FRK: variants seen among roughly 807,000 people sequenced by gnomAD.
FRK encodes fyn related Src family tyrosine kinase.
FRK carries 51 observed loss-of-function variants against 56.4 expected under a neutral mutation model. The observed-to-expected ratio is 0.90, with a 90% CI of 0.72 to 1.14. The LOEUF (loss-of-function observed/expected upper bound fraction) is 1.14. Ranked by LOEUF, FRK falls within the 50% of genes most tolerant of loss-of-function variation. The pLI, the probability that FRK is intolerant of heterozygous loss-of-function variation, is 0.00. For synonymous variants in FRK, 245 were observed against 217.9 expected (o/e 1.12, Z -1.10); for missense variants, 570 against 601.4 (o/e 0.95, Z 0.55).
At chr6:116,068,548 A>C in the FRK span, among the ~76,000 whole-genome samples, 4 of 152,190 alleles carry the variant, frequency 2.6e-5, no homozygotes, top group Non-Finnish European at 5.9e-5. Flanking sequence ...CCGTTGAAGA[A>C]CATGAATTTT....
intron 1 of FRK, among the ~76,000 whole-genome samples, chr6:116,047,290 G>T (rs998718454): frequency 6.6e-6 from 1 of 151,818 alleles, no homozygotes; most frequent in Admixed American, 6.6e-5. Flanking sequence ...CAAATCTGAT[G>T]CCGTAGAAAG....
chr6:116,060,375 C>T lies in FRK; in HGVS notation c.-64G>A. 1 of 1,316,014 alleles carries T rather than the reference C, an allele frequency of 7.6e-7. No homozygotes were observed. The allele number at this position is 1,316,014 out of a possible 1,614,324, so 81.5% of individuals were successfully genotyped here. A position where few individuals can be genotyped will look rare whatever the true frequency, so the allele number is the denominator to read the frequency against. ...TCTCCCCTTAGTCTCTGCGATCCACCTTATCTTCCTTCACCAGGCAACTTT... is the reference window on the plus strand; with the variant it reads ...TCTCCCCTTAGTCTCTGCGATCCACTTTATCTTCCTTCACCAGGCAACTTT... On this transcript the variant is annotated 5_prime_UTR_variant, in exon 1 of 8. Coordinates refer to ENST00000606080, the MANE Select transcript of FRK (RefSeq NM_002031.3).
chr6:116,089,353 AAG>A, the FRK span, among the ~76,000 whole-genome samples: 222 of 152,350 alleles, frequency 1.5e-3, 2 homozygotes, highest in Middle Eastern at 6.8e-3. Flanking sequence ...TAGAGCAGAA[AAG>A]AGAGACAATT....
chr6:116,056,750 G>C (rs139783091), intron 1 of FRK, among the ~76,000 whole-genome samples: 1 of 152,128 alleles, frequency 6.6e-6, no homozygotes, highest in Non-Finnish European at 1.5e-5. Flanking sequence ...ATTTCACATT[G>C]AAGATGTTGA....
intron 1 of FRK, among the ~76,000 whole-genome samples, chr6:116,058,997 A>T (rs1321045797): frequency 1.3e-5 from 2 of 151,936 alleles, no homozygotes; most frequent in Non-Finnish European, 2.9e-5. Context: ...CAATGAGATC[A>T]GGGCCAATGA....
intron 5 of FRK, among the ~76,000 whole-genome samples, chr6:115,954,820 G>T (rs1053576578): frequency 6.6e-6 from 1 of 152,166 alleles, no homozygotes; most frequent in Non-Finnish European, 1.5e-5. Context: ...CTGGTCAGAA[G>T]CTTTAAGAAT....
Position 115,977,142 on chromosome 6 carries a change from C to G in FRK, c.467-8403G>C, listed in dbSNP as rs935830761. Among the ~76,000 whole-genome samples the G allele has an allele frequency of 3.9e-5, 6 of 152,108 alleles. No homozygotes were observed. In the South Asian group the frequency reaches 1.0e-3, roughly 26 times the overall value. On this transcript the variant is annotated intron_variant, in intron 2 of 7. Coordinates refer to ENST00000606080, the MANE Select transcript of FRK (RefSeq NM_002031.3). ...AAATCATGCTAAGATAGCTCTACAC[C>G]AATAAGTGAATAACATTAATTGATT...
intron 5 of FRK, among the ~76,000 whole-genome samples, chr6:115,953,723 G>C (rs1772882451): frequency 6.6e-6 from 1 of 152,162 alleles, no homozygotes; most frequent in Non-Finnish European, 1.5e-5. Flanking sequence ...CATGTACCAA[G>C]TTGATCTTTT....
At chr6:116,008,458 TAA>T (rs1177172349) in intron 1 of FRK, among the ~76,000 whole-genome samples, 1 of 152,188 alleles carries the variant, frequency 6.6e-6, no homozygotes, top group Non-Finnish European at 1.5e-5. Context: ...GTGAAGAATA[TAA>T]GTTTAAAAAT....
chr6:116,003,494 A>C (rs911193860), intron 2 of FRK, among the ~76,000 whole-genome samples: 1 of 152,212 alleles, frequency 6.6e-6, no homozygotes, highest in African/African-American at 2.4e-5. Context: ...TTAACCAGCA[A>C]AGAGAATTGA....
chr6:115,992,964 A>C (rs1408202440), intron 2 of FRK, among the ~76,000 whole-genome samples: 1 of 151,892 alleles, frequency 6.6e-6, no homozygotes, highest in Non-Finnish European at 1.5e-5. Flanking sequence ...AGAACCAGAA[A>C]GGACATTGGG....
intron 1 of FRK, among the ~76,000 whole-genome samples, chr6:116,053,980 G>A (rs1777278694): frequency 6.6e-6 from 1 of 151,868 alleles, no homozygotes; most frequent in African/African-American, 2.4e-5. Flanking sequence ...TAACATAGTT[G>A]AATTGGTTGC....
At chr6:116,098,989 A>C in the FRK span, among the ~76,000 whole-genome samples, 6 of 152,188 alleles carry the variant, frequency 3.9e-5, no homozygotes, top group African/African-American at 1.4e-4. Flanking sequence ...AATGATGTGG[A>C]CTCTCTAGCA....
At position 116,060,502 on chromosome 6, in the gene FRK, C is replaced by G; in HGVS notation, c.-191G>C. ...GCAAGTCCTACCTGGAGAGACTTAC[C>G]GGCTTGCTTTCTGTGGCTGGAGGTG... On this transcript the variant is annotated 5_prime_UTR_variant, in exon 1 of 8. Coordinates refer to ENST00000606080, the MANE Select transcript of FRK (RefSeq NM_002031.3). The G allele has an allele frequency of 1.8e-6, 1 of 559,878 alleles. No homozygotes were observed. Among genetic ancestry groups the G allele is most frequent in the Non-Finnish European group, 3.2e-6 (1 of 317,400 alleles). The allele number at this position is 559,878 out of a possible 1,614,324, so 34.7% of individuals were successfully genotyped here.
intron 2 of FRK, among the ~76,000 whole-genome samples, chr6:115,981,754 A>G (rs143251029): frequency 1.3e-5 from 2 of 152,254 alleles, no homozygotes; most frequent in East Asian, 3.9e-4. Flanking sequence ...GGAAATACAA[A>G]GGAGTATTTT....
intron 2 of FRK, among the ~76,000 whole-genome samples, chr6:115,994,519 A>G (rs1774762119): frequency 1.3e-5 from 2 of 151,966 alleles, no homozygotes; most frequent in Admixed American, 6.6e-5. Context: ...CAAATATTCA[A>G]TCCCTATGAT....
At chr6:116,026,578 A>G (rs11758853) in intron 1 of FRK, among the ~76,000 whole-genome samples, 9 of 134,866 alleles carry the variant, frequency 6.7e-5, no homozygotes, top group South Asian at 2.3e-4. Flanking sequence ...AAGGAAGGAA[A>G]GACACGTGTA....
intron 2 of FRK, among the ~76,000 whole-genome samples, chr6:115,980,985 T>G (rs1774178279): frequency 6.6e-6 from 1 of 152,124 alleles, no homozygotes; most frequent in African/African-American, 2.4e-5. Context: ...ATATTTTATA[T>G]TATGTTTCAG....
the FRK span, among the ~76,000 whole-genome samples, chr6:116,078,599 G>C: frequency 4.6e-5 from 7 of 152,172 alleles, no homozygotes; most frequent in African/African-American, 1.7e-4. Context: ...TTGTGAGATA[G>C]AGCTAACATA....
Sources: allele counts gnomAD v4.1 joint callset (sites outside exome capture counted in the v4.1 genomes callset), GRCh38; gene constraint gnomAD v4.1.1; transcripts MANE v1.5; gene names NCBI Gene and HGNC (gene_info 2026-07-23, HGNC 2026-07-21).